Variants in SCN3B observed in about 807,000 individuals in gnomAD.
SCN3B encodes the protein sodium channel regulatory subunit beta-3.
SCN3B carries 11 observed loss-of-function variants against 25.4 expected under a neutral mutation model. The ratio of observed to expected loss-of-function variants is 0.43; its 90% CI spans 0.27 to 0.72. The LOEUF is 0.72. Among genes scored for constraint, SCN3B ranks in the 30% least tolerant of loss-of-function variants. The pLI is 0.18. For synonymous variants in SCN3B, 109 were observed against 110.7 expected (o/e 0.99, Z 0.09); for missense variants, 218 against 278.3 (o/e 0.78, Z 1.54).
At chr11:123,633,873 T>G (rs1227180508) in intron 6 of SCN3B, 97 bp from the exon 7 acceptor site, 1 of 437,838 alleles carries the variant, frequency 2.3e-6, no homozygotes, top group Non-Finnish European at 4.3e-6. Flanking sequence ...TGGAGAATCC[T>G]GTGCCTCTGT....
At chr11:123,649,826 C>T (rs1295554449) in intron 2 of SCN3B, among the ~76,000 whole-genome samples, 1 of 152,058 alleles carries the variant, frequency 6.6e-6, no homozygotes, top group Non-Finnish European at 1.5e-5. Flanking sequence ...GCCTCAGCCC[C>T]CTGAGTAGCT....
rs1955675464 is a variant in SCN3B at position 123,631,761 on chromosome 11, T to A, written c.*2038A>T. ...GAGGATTGCTTAAACCTGGGGCAGTTGAGGCTGCAGTGAGCTGAGATTGCA... is the reference window on the plus strand; with the variant it reads ...GAGGATTGCTTAAACCTGGGGCAGTAGAGGCTGCAGTGAGCTGAGATTGCA... On this transcript the variant is annotated 3_prime_UTR_variant, in exon 7 of 7. Coordinates refer to ENST00000299333, the MANE Select transcript of SCN3B (RefSeq NM_001040151.2). 2 of 152,000 alleles carry A rather than the reference T, an allele frequency of 1.3e-5. No homozygotes were observed. Among genetic ancestry groups the A allele is most frequent in the South Asian group, 4.1e-4 (2 of 4,820 alleles). The allele number at this position is 152,000 out of a possible 1,614,324, so 9.4% of individuals were successfully genotyped here. A position where few individuals can be genotyped will look rare whatever the true frequency, so the allele number is the denominator to read the frequency against.
intron 2 of SCN3B, among the ~76,000 whole-genome samples, chr11:123,652,278 A>G (rs1342597426): frequency 6.6e-6 from 1 of 152,158 alleles, no homozygotes; most frequent in East Asian, 1.9e-4. Flanking sequence ...AGGTGAGATC[A>G]TTGGCAACAT....
chr11:123,638,344 G>A lies in SCN3B; in HGVS notation c.446-20C>T, dbSNP rs1181587363. 1 of 1,613,388 alleles carries A rather than the reference G, an allele frequency of 6.2e-7. No individual in the cohort carries two copies. The highest frequency in any genetic ancestry group is 8.5e-7 in the Non-Finnish European group (1 of 1,180,022). ...CTCCAGCTGAAAGAAAGAGAATGAG[G>A]TTCAGAATATGCAAATCCAGCAAAC... On this transcript the variant is annotated intron_variant, in intron 4 of 6. Coordinates refer to ENST00000299333, the MANE Select transcript of SCN3B (RefSeq NM_001040151.2).
At chr11:123,651,546 C>T (rs778300214) in intron 2 of SCN3B, among the ~76,000 whole-genome samples, 2 of 152,050 alleles carry the variant, frequency 1.3e-5, no homozygotes, top group Non-Finnish European at 2.9e-5. Context: ...GTATTTTTAG[C>T]AGAGATGGGG....
In SCN3B at chr11:123,653,764, A is replaced by T; in HGVS notation, c.38T>A (p.Leu13His). 2 of 1,614,240 alleles carry T rather than the reference A, an allele frequency of 1.2e-6. No homozygotes were observed. The highest frequency in any genetic ancestry group is 1.7e-6 in the Non-Finnish European group (2 of 1,180,042). The change falls in exon 2 of 7, where the codon CTC becomes CAC. Residue 13 changes from leucine to histidine, a missense_variant. Physicochemically the swap from Leu to His is moderately conservative, Grantham distance 99. Transcript: ENST00000299333. ...GTACTTACCCCAGTAGATAAGCACG[A>T]GAGAAGCCAGGGGAAACAATCTATT... is the stretch of plus-strand genomic sequence containing the variant. ...AFNRLFPLAS[L>H]VLIYWVSVCF...
chr11:123,645,629 C>T lies in SCN3B; in HGVS notation c.177G>A (p.Val59=), dbSNP rs1955845730. ...MKREEVEATT[V]VEWFYRPEGG... is the part of the protein sequence containing the mutation. ...CCTCGGGCCTGTAGAACCATTCCAC[C>T]ACCGTGGTGGCCTCCACCTCCTCTC... Residue 59 remains valine (V), a synonymous_variant, in exon 3 of 7, where the codon GTG becomes GTA. Transcript: ENST00000299333. 6.2e-7 allele frequency: 1 copy of T among 1,614,064 alleles called. No homozygotes were observed. The highest frequency in any genetic ancestry group is 1.3e-5 in the African/African-American group (1 of 74,938).
At position 123,654,566 on chromosome 11, in the gene SCN3B, C is replaced by G. The variant is rs1265930906; in HGVS notation, c.-366G>C. 2 of 152,972 alleles carry G rather than the reference C, an allele frequency of 1.3e-5. No individual in the cohort carries two copies. Among genetic ancestry groups the G allele is most frequent in the Non-Finnish European group, 2.9e-5 (2 of 68,652 alleles). 9.5% of individuals were successfully genotyped at this position (152,972 alleles called of 1,614,324 possible). On this transcript the variant is annotated 5_prime_UTR_variant, in exon 1 of 7. Transcript: ENST00000299333. Reference sequence around the variant, plus strand: ...CCTGGGTGGCAGGTGATCAGCAACCCTTCTCTAGGCCCCCAGGCCGTGTGT... The same window carrying G: ...CCTGGGTGGCAGGTGATCAGCAACCGTTCTCTAGGCCCCCAGGCCGTGTGT...
rs1955802554 is a variant in SCN3B at position 123,642,423 on chromosome 11, G to C, written c.445+23C>G. ...TGTCCACAGAGAGCAGGACGCCCTAGAGACCCTGTGCCTCAGCCTCACCCT... is the reference window on the plus strand; with the variant it reads ...TGTCCACAGAGAGCAGGACGCCCTACAGACCCTGTGCCTCAGCCTCACCCT... On this transcript the variant is annotated intron_variant, in intron 4 of 6. Transcript: ENST00000299333. This position sits in a 1 kb window ranked among gnomAD's most constrained non-coding sequence, Gnocchi z 4.3. The C allele has an allele frequency of 3.1e-6, 5 of 1,612,048 alleles. No homozygotes were observed. In the East Asian group the frequency reaches 1.1e-4, roughly 36 times the overall value.
At chr11:123,653,572 T>C (rs1591352379) in intron 2 of SCN3B, among the ~76,000 whole-genome samples, 175 bp downstream of exon 2, 1 of 152,028 alleles carries the variant, frequency 6.6e-6, no homozygotes, top group African/African-American at 2.4e-5. Flanking sequence ...GGGAGGCGCC[T>C]TTCCCATCTC....
At chr11:123,645,159 T>C (rs1429152956) in intron 3 of SCN3B, among the ~76,000 whole-genome samples, 1 of 152,144 alleles carries the variant, frequency 6.6e-6, no homozygotes, top group Non-Finnish European at 1.5e-5. Flanking sequence ...ATCCCTGTCA[T>C]TCCTATTTCA....
At chr11:123,639,996 T>C (rs1175645427) in intron 4 of SCN3B, 1 of 152,224 alleles carries the variant, frequency 6.6e-6, no homozygotes. Context: ...GTCAGATTTA[T>C]GATCTGCAGT....
intron 5 of SCN3B, among the ~76,000 whole-genome samples, chr11:123,634,903 T>C (rs976011995): frequency 1.3e-5 from 2 of 152,258 alleles, no homozygotes; most frequent in Non-Finnish European, 2.9e-5. Flanking sequence ...TTTCATGTTT[T>C]GACAATTTCT....
rs1417726698 is a variant in SCN3B at position 123,633,496 on chromosome 11, C to T, written c.*303G>A. On this transcript the variant is annotated 3_prime_UTR_variant, in exon 7 of 7. Coordinates refer to ENST00000299333, the MANE Select transcript of SCN3B (RefSeq NM_001040151.2). ...TCATTTGGAGCACAGGGGAGAAATCCAGTTGGCTTTGGAGTGTCTTGTTGG... is the reference window on the plus strand; with the variant it reads ...TCATTTGGAGCACAGGGGAGAAATCTAGTTGGCTTTGGAGTGTCTTGTTGG... 6.4e-6 allele frequency: 1 copy of T among 156,858 alleles called. No homozygotes were observed. The highest frequency in any genetic ancestry group is 2.4e-5 in the African/African-American group (1 of 41,448). The allele number at this position is 156,858 out of a possible 1,614,324, so 9.7% of individuals were successfully genotyped here. A position where few individuals can be genotyped will look rare whatever the true frequency, so the allele number is the denominator to read the frequency against.
At chr11:123,644,800 AATATATATATATATATATAT>A (rs56135097) in intron 3 of SCN3B, among the ~76,000 whole-genome samples, 3,684 of 45,562 alleles carry the variant, frequency 0.081, 268 homozygotes, top group African/African-American at 0.26. Flanking sequence ...AGAGAGAGAG[AATATATATATATATATATAT>A]ATATATATAT....
chr11:123,649,002 A>G (rs115689765), intron 2 of SCN3B, among the ~76,000 whole-genome samples: 2,287 of 152,340 alleles, frequency 0.015, 61 homozygotes, highest in African/African-American at 0.051. Flanking sequence ...GTACAAGATC[A>G]TATGATCTGA....
intron 3 of SCN3B, among the ~76,000 whole-genome samples, chr11:123,644,806 T>G (rs1339018615): frequency 6.2e-4 from 28 of 45,026 alleles, no homozygotes; most frequent in African/African-American, 3.0e-3. Flanking sequence ...AGAGAATATA[T>G]ATATATATAT....
chr11:123,647,520 T>C (rs905130318), intron 2 of SCN3B, among the ~76,000 whole-genome samples: 10 of 152,184 alleles, frequency 6.6e-5, no homozygotes, highest in African/African-American at 2.2e-4. Flanking sequence ...CAGATTCTTA[T>C]ATTAGGACTT....
rs776635476 is a variant in SCN3B at position 123,645,668 on chromosome 11, G to C, written c.138C>G (p.Ile46Met). 6.2e-7 allele frequency: 1 copy of C among 1,614,156 alleles called. No individual in the cohort carries two copies. The highest frequency in any genetic ancestry group is 8.5e-7 in the Non-Finnish European group (1 of 1,180,010). The change falls in exon 3 of 7, where the codon ATC (isoleucine) becomes ATG (methionine). Residue 46 changes from isoleucine (I) to methionine (M), a missense_variant. Transcript: ENST00000299333. ...CCACCTCCTCTCTCTTCATGCAGGA[G>C]ATGCAGCGCAGCTTCATGGGGTTGC... ...VQGNPMKLRC[I>M]SCMKREEVEA...
Sources: allele counts gnomAD v4.1 joint callset (sites outside exome capture counted in the v4.1 genomes callset), GRCh38; gene constraint gnomAD v4.1.1; non-coding constraint Gnocchi (gnomAD v3.1); transcripts MANE v1.5; gene names NCBI Gene and HGNC (gene_info 2026-07-23, HGNC 2026-07-21).